Variants in DCP2 observed in about 807,000 individuals in gnomAD.
DCP2 encodes m7GpppN-mRNA hydrolase.
Under a neutral mutation model 56.1 loss-of-function variants are expected in DCP2, and 30 were observed. That is an observed-to-expected ratio of 0.53 (90% confidence interval 0.40 to 0.73). The LOEUF (loss-of-function observed/expected upper bound fraction) is 0.73. DCP2 is among the 30% of genes least tolerant of loss of function. The pLI, the probability that DCP2 is intolerant of heterozygous loss-of-function variation, is 0.00. For synonymous variants in DCP2, 197 were observed against 163.3 expected (o/e 1.21, Z -1.57); for missense variants, 533 against 502.7 (o/e 1.06, Z -0.58).
At chr5:112,994,969 C>T (rs1413598630) in intron 4 of DCP2, among the ~76,000 whole-genome samples, 4 of 152,090 alleles carry the variant, frequency 2.6e-5, no homozygotes, top group Non-Finnish European at 5.9e-5. Context: ...ATGTTTGACT[C>T]GATTTCCTGC....
intron 1 of DCP2, among the ~76,000 whole-genome samples, 198 bp downstream of exon 1, chr5:112,977,184 C>T (rs1747751365): frequency 6.6e-6 from 1 of 152,144 alleles, no homozygotes; most frequent in African/African-American, 2.4e-5. Flanking sequence ...TTTCTCAAGG[C>T]CCTCCGTCCT....
chr5:113,008,629 A>G (rs544807687), intron 9 of DCP2, among the ~76,000 whole-genome samples: 1 of 152,252 alleles, frequency 6.6e-6, no homozygotes, highest in East Asian at 1.9e-4. Context: ...ATTGGTGAGT[A>G]ATAATAGTAA....
intron 9 of DCP2, 38 bp downstream of exon 9, chr5:113,008,080 T>C: frequency 6.5e-7 from 1 of 1,542,794 alleles, no homozygotes; most frequent in South Asian, 1.1e-5. Flanking sequence ...AGGCAGTTCA[T>C]CCTCTGAAGA....
intron 2 of DCP2, among the ~76,000 whole-genome samples, chr5:112,986,401 G>T (rs1274205439): frequency 6.6e-6 from 1 of 151,158 alleles, no homozygotes; most frequent in Non-Finnish European, 1.5e-5. Context: ...GCAGTAATGT[G>T]ATCCTAGCTT....
At chr5:112,988,714 A>G (rs547161707) in intron 2 of DCP2, among the ~76,000 whole-genome samples, 1 of 152,282 alleles carries the variant, frequency 6.6e-6, no homozygotes, top group South Asian at 2.1e-4. Flanking sequence ...ATTGAGCACT[A>G]TCTTTGTTAA....
At position 113,017,476 on chromosome 5, in the gene DCP2, T is replaced by A. The variant is rs925193989; in HGVS notation, c.*3992T>A. ...GTGCATTTGTCTAGTTGCCAAAAGT[T>A]CTAAAAATGAGATGGTGGGCTTTCT... On this transcript the variant is annotated 3_prime_UTR_variant, in exon 11 of 11. Transcript: ENST00000389063. 1 of 152,202 alleles carries A rather than the reference T, an allele frequency of 6.6e-6. No homozygotes were observed. The highest frequency in any genetic ancestry group is 1.5e-5 in the Non-Finnish European group (1 of 68,036). The allele number at this position is 152,202 out of a possible 1,614,324, so 9.4% of individuals were successfully genotyped here. A position where few individuals can be genotyped will look rare whatever the true frequency, so the allele number is the denominator to read the frequency against.
intron 2 of DCP2, among the ~76,000 whole-genome samples, chr5:112,987,348 T>C (rs1748339229): frequency 6.6e-6 from 1 of 152,212 alleles, no homozygotes; most frequent in Non-Finnish European, 1.5e-5. Flanking sequence ...AACAGCGTCC[T>C]CTCATGGGGC....
At chr5:112,993,568 G>A (rs1748696045) in intron 4 of DCP2, among the ~76,000 whole-genome samples, 1 of 149,940 alleles carries the variant, frequency 6.7e-6, no homozygotes, top group South Asian at 2.1e-4. Flanking sequence ...AGAGGTTGCG[G>A]TGAGCCGAGA....
intron 2 of DCP2, among the ~76,000 whole-genome samples, chr5:112,987,177 A>G (rs1477287406): frequency 6.6e-6 from 1 of 152,188 alleles, no homozygotes; most frequent in Admixed American, 6.5e-5. Context: ...CTGATAGTAC[A>G]TGTTTCTAGA....
chr5:113,013,503 A>G lies in DCP2; in HGVS notation c.*19A>G, dbSNP rs756023141. The G allele has an allele frequency of 6.2e-6, 10 of 1,613,060 alleles. No homozygotes were observed. The South Asian group carries it at 8.8e-5, about 14-fold the overall frequency. ...CCTTTGATAGCAGCACATGTATTGT[A>G]AATGTCCCAGGATCAGAGACCTGTT... On this transcript the variant is annotated 3_prime_UTR_variant, in exon 11 of 11. Coordinates refer to ENST00000389063, the MANE Select transcript of DCP2 (RefSeq NM_152624.6).
intron 2 of DCP2, 40 bp from the exon 3 acceptor site, chr5:112,992,081 A>G (rs751351644): frequency 1.2e-6 from 2 of 1,607,304 alleles, no homozygotes; most frequent in Non-Finnish European, 1.7e-6. Flanking sequence ...TTCTCAAGCC[A>G]TATTAAAGGA....
At chr5:112,984,725 T>TATATATATATATATATATATATATATA (rs1157313721) in intron 1 of DCP2, 42 of 135,496 alleles carry the variant, frequency 3.1e-4, no homozygotes, top group Non-Finnish European at 4.6e-4. Flanking sequence ...TATATATATA[T>TATATATATATATATATATATATATATA]TTGAGACAGT....
intron 8 of DCP2, among the ~76,000 whole-genome samples, chr5:113,004,990 T>G (rs531857851): frequency 3.9e-5 from 6 of 151,990 alleles, no homozygotes; most frequent in South Asian, 4.2e-4. Context: ...CTGGGCGTGG[T>G]GGCGGGCTCC....
chr5:112,991,092 A>G (rs1046928282), intron 2 of DCP2, among the ~76,000 whole-genome samples: 3 of 152,164 alleles, frequency 2.0e-5, no homozygotes, highest in African/African-American at 4.8e-5. Flanking sequence ...AATAGCCTGT[A>G]GCAATTAAAG....
Position 113,016,232 on chromosome 5 carries a change from A to T in DCP2, c.*2748A>T, listed in dbSNP as rs1016135428. 1 of 152,632 alleles carries T rather than the reference A, an allele frequency of 6.6e-6. No homozygotes were observed. Among genetic ancestry groups the T allele is most frequent in the African/African-American group, 2.4e-5 (1 of 41,444 alleles). 9.5% of individuals were successfully genotyped at this position (152,632 alleles called of 1,614,324 possible). A position where few individuals can be genotyped will look rare whatever the true frequency, so the allele number is the denominator to read the frequency against. On this transcript the variant is annotated 3_prime_UTR_variant, in exon 11 of 11. Coordinates refer to ENST00000389063, the MANE Select transcript of DCP2 (RefSeq NM_152624.6). ...CAAAAATTTTTGTTAAGAAGTAGCA[A>T]ATGAATGGTTTAGGATTTCAAATAG...
chr5:113,004,621 G>A (rs1416278989), intron 8 of DCP2, among the ~76,000 whole-genome samples: 1 of 152,068 alleles, frequency 6.6e-6, no homozygotes, highest in Non-Finnish European at 1.5e-5. Context: ...AATATACACA[G>A]TTCTGTGTAA....
chr5:112,981,557 A>T (rs1057382769), intron 1 of DCP2, among the ~76,000 whole-genome samples: 2 of 152,146 alleles, frequency 1.3e-5, no homozygotes, highest in Admixed American at 6.5e-5. Context: ...GTGTAAATAG[A>T]TATGTAGTTT....
At position 112,992,100 on chromosome 5, in the gene DCP2, C is replaced by T. The variant is rs749466542; in HGVS notation, c.206-21C>T. 2.5e-5 allele frequency: 40 copies of T among 1,610,338 alleles called. No homozygotes were observed. In the South Asian group the frequency reaches 2.7e-4, roughly 11 times the overall value. On this transcript the variant is annotated intron_variant, in intron 2 of 10. Transcript: ENST00000389063. Reference sequence around the variant, plus strand: ...CAAGCCATATTAAAGGAGAAAGTAACTTCCTTGACACTATTTATACTCTTC... The same window carrying T: ...CAAGCCATATTAAAGGAGAAAGTAATTTCCTTGACACTATTTATACTCTTC...
At chr5:112,980,345 T>G (rs1747943975) in intron 1 of DCP2, among the ~76,000 whole-genome samples, 1 of 152,242 alleles carries the variant, frequency 6.6e-6, no homozygotes, top group Non-Finnish European at 1.5e-5. Context: ...GCTATTTTGG[T>G]GATAGCGTAG....
Sources: allele counts gnomAD v4.1 joint callset (sites outside exome capture counted in the v4.1 genomes callset), GRCh38; gene constraint gnomAD v4.1.1; transcripts MANE v1.5; gene names NCBI Gene and HGNC (gene_info 2026-07-23, HGNC 2026-07-21).